The following PDE8A variants were observed in gnomAD, a reference collection of about 807,000 sequenced individuals.
PDE8A encodes the protein high affinity cAMP-specific and IBMX-insensitive 3',5'-cyclic phosphodiesterase 8A.
Under a neutral mutation model 105.0 loss-of-function variants are expected in PDE8A, and 59 were observed. The ratio of observed to expected loss-of-function variants is 0.56; its 90% CI spans 0.46 to 0.70. The LOEUF (loss-of-function observed/expected upper bound fraction) is 0.70, where lower values mean the gene tolerates loss of function less well. Among genes scored for constraint, PDE8A ranks in the 30% least tolerant of loss-of-function variants. The pLI is 0.00. For synonymous variants in PDE8A, 355 were observed against 371.9 expected (o/e 0.95, Z 0.52); for missense variants, 1,014 against 1,045.9 (o/e 0.97, Z 0.42).
intron 1 of PDE8A, among the ~76,000 whole-genome samples, chr15:85,015,661 A>G (rs899474543): frequency 1.3e-5 from 2 of 152,102 alleles, no homozygotes; most frequent in Admixed American, 6.5e-5. Context: ...TACTTCTCAT[A>G]TCGTGATTGA....
At chr15:85,120,530 G>C (rs2082164816) in intron 17 of PDE8A, 2 of 311,554 alleles carry the variant, frequency 6.4e-6, no homozygotes, top group Admixed American at 4.5e-5. Flanking sequence ...GATGGGTCTA[G>C]AGAAAGACTG....
intron 1 of PDE8A, among the ~76,000 whole-genome samples, chr15:85,061,476 G>A (rs2081144770): frequency 1.3e-5 from 2 of 152,096 alleles, no homozygotes; most frequent in Non-Finnish European, 2.9e-5. Context: ...CTGGCCTCAG[G>A]TGATCTGTCT....
intron 1 of PDE8A, among the ~76,000 whole-genome samples, chr15:85,036,554 GGCAGAT>G (rs2080709987): frequency 1.3e-5 from 2 of 152,134 alleles, no homozygotes; most frequent in African/African-American, 2.4e-5. Flanking sequence ...TTTGGCTATG[GGCAGAT>G]GCAGGATCCA....
intron 1 of PDE8A, among the ~76,000 whole-genome samples, chr15:85,009,108 AGAGTGTGTGTGT>A (rs1182660498): frequency 8.5e-4 from 36 of 42,212 alleles, no homozygotes; most frequent in Non-Finnish European, 1.2e-3. Context: ...AGAGAGAGAG[AGAGTGTGTGTGT>A]GTGTGTGTGT....
chr15:84,993,658 T>C (rs557637574), intron 1 of PDE8A, among the ~76,000 whole-genome samples: 1 of 151,874 alleles, frequency 6.6e-6, no homozygotes, highest in African/African-American at 2.4e-5. Flanking sequence ...GATGGGAGAA[T>C]CACGTGAGGC....
At chr15:84,983,020 C>T (rs1446662361) in intron 1 of PDE8A, among the ~76,000 whole-genome samples, 1 of 152,214 alleles carries the variant, frequency 6.6e-6, no homozygotes, top group Non-Finnish European at 1.5e-5. Context: ...AGCCGACTTA[C>T]TGGGACATTT....
chr15:85,047,884 T>C (rs1343527343), intron 1 of PDE8A, among the ~76,000 whole-genome samples: 1 of 152,236 alleles, frequency 6.6e-6, no homozygotes, highest in Non-Finnish European at 1.5e-5. Context: ...CTCATGCTGG[T>C]CATTAATATT....
At chr15:85,062,913 C>G (rs1177975235) in intron 1 of PDE8A, 1 of 152,214 alleles carries the variant, frequency 6.6e-6, no homozygotes, top group Non-Finnish European at 1.5e-5. Flanking sequence ...TCCTGTGGAC[C>G]TCTTGGACCA....
intron 6 of PDE8A, 81 bp from the exon 7 acceptor site, chr15:85,089,257 T>A: frequency 1.3e-6 from 1 of 766,124 alleles, no homozygotes. Context: ...GGACAAAAAA[T>A]ACATTTAAAT....
At chr15:85,032,756 C>A (rs1458110883) in intron 1 of PDE8A, among the ~76,000 whole-genome samples, 1 of 152,116 alleles carries the variant, frequency 6.6e-6, no homozygotes, top group East Asian at 1.9e-4. Context: ...GGGAAAAGGT[C>A]AATTTAAATG....
intron 1 of PDE8A, among the ~76,000 whole-genome samples, chr15:85,006,126 G>A (rs182287879): frequency 6.6e-6 from 1 of 152,070 alleles, no homozygotes; most frequent in African/African-American, 2.4e-5. Context: ...GTTGTGAGGT[G>A]GGGGGAGGGA....
At chr15:85,110,601 C>T (rs1270985171) in intron 12 of PDE8A, among the ~76,000 whole-genome samples, 1 of 152,126 alleles carries the variant, frequency 6.6e-6, no homozygotes, top group Non-Finnish European at 1.5e-5. Context: ...CGAGGTTCTT[C>T]CATGTTGTTA....
rs565645495 is a variant in PDE8A at position 85,138,962 on chromosome 15, C to T, written c.*1059C>T. 15 of 152,104 alleles carry T rather than the reference C, an allele frequency of 9.9e-5. No homozygotes were observed. Among genetic ancestry groups the T allele is most frequent in the African/African-American group, 3.4e-4 (14 of 41,518 alleles). 9.4% of individuals were successfully genotyped at this position (152,104 alleles called of 1,614,324 possible). A position where few individuals can be genotyped will look rare whatever the true frequency, so the allele number is the denominator to read the frequency against. ...TTTATAACCAACCTGTTTTTATCTA[C>T]GGTGGGAATCTTTGATGCCAGAAAT... On this transcript the variant is annotated 3_prime_UTR_variant, in exon 22 of 22. Coordinates refer to ENST00000394553, the MANE Select transcript of PDE8A (RefSeq NM_002605.3).
Position 85,092,342 on chromosome 15 carries a change from T to C in PDE8A, c.852+1161T>C, listed in dbSNP as rs200991161. Among the ~76,000 whole-genome samples, 265 of 152,148 alleles carry C rather than the reference T, an allele frequency of 1.7e-3. 1 individual carries two copies. Among genetic ancestry groups the C allele is most frequent in the African/African-American group, 6.1e-3 (254 of 41,506 alleles). ...TTTTTGTTGTTGTTTTTTTTTGTTTTGTTTCGTTTTTTTACTAGAGGGAGT... is the reference window on the plus strand; with the variant it reads ...TTTTTGTTGTTGTTTTTTTTTGTTTCGTTTCGTTTTTTTACTAGAGGGAGT... On this transcript the variant is annotated intron_variant, in intron 8 of 21. Transcript: ENST00000394553.
chr15:85,003,362 C>T (rs1464532787), intron 1 of PDE8A, among the ~76,000 whole-genome samples: 1 of 152,168 alleles, frequency 6.6e-6, no homozygotes, highest in Non-Finnish European at 1.5e-5. Flanking sequence ...CCCTTAATTC[C>T]AATTTGAAAA....
intron 1 of PDE8A, among the ~76,000 whole-genome samples, chr15:84,989,411 G>A (rs2079851873): frequency 6.6e-6 from 1 of 152,204 alleles, no homozygotes. Flanking sequence ...AGGGAGTACA[G>A]GAGCTGCTTC....
rs1352393758 is a variant in PDE8A at position 84,982,283 on chromosome 15, G to T, written c.121G>T (p.Ala41Ser). The change falls in exon 1 of 22, where the codon GCC becomes TCC. Residue 41 changes from alanine to serine, a missense_variant. Ala to Ser is a moderately conservative substitution (Grantham distance 99, BLOSUM62 1). Coordinates refer to ENST00000394553, the MANE Select transcript of PDE8A (RefSeq NM_002605.3). Reference sequence around the variant, plus strand: ...CCTCCCGCAGGGCCAGAAGACGGCCGCCTTGCCCCGGACCCGCGGCGCCGG... The same window carrying T: ...CCTCCCGCAGGGCCAGAAGACGGCCTCCTTGCCCCGGACCCGCGGCGCCGG... ...PRLPQGQKTA[A>S]LPRTRGAGLL... The T allele has an allele frequency of 1.4e-6, 2 of 1,407,240 alleles. No homozygotes were observed. The highest frequency in any genetic ancestry group is 1.8e-6 in the Non-Finnish European group (2 of 1,090,904). The allele number at this position is 1,407,240 out of a possible 1,614,324, so 87.2% of individuals were successfully genotyped here.
At chr15:84,994,210 G>A (rs1465708180) in intron 1 of PDE8A, among the ~76,000 whole-genome samples, 1 of 152,130 alleles carries the variant, frequency 6.6e-6, no homozygotes, top group African/African-American at 2.4e-5. Flanking sequence ...TCTATGGTTT[G>A]CTCTTTTTTC....
intron 1 of PDE8A, among the ~76,000 whole-genome samples, chr15:85,016,927 A>G (rs1225869350): frequency 6.8e-6 from 1 of 147,404 alleles, no homozygotes; most frequent in Non-Finnish European, 1.5e-5. Context: ...TTTCTCTTCC[A>G]TTATGTTTCT....
Sources: gnomAD v4.1 joint callset for allele counts (sites outside exome capture counted in the v4.1 genomes callset) on GRCh38, gnomAD v4.1.1 for gene constraint, MANE v1.5 for transcripts, NCBI Gene and HGNC (gene_info 2026-07-23, HGNC 2026-07-21) for gene names.